The following TMEFF2 variants were observed in gnomAD, a reference collection of about 807,000 sequenced individuals.
The protein encoded by TMEFF2 is transmembrane protein with EGF like and two follistatin like domains 2.
Under a neutral mutation model 53.8 loss-of-function variants are expected in TMEFF2, and 28 were observed. The observed-to-expected ratio is 0.52, with a 90% CI of 0.39 to 0.71. The LOEUF is 0.71. Ranked by LOEUF, TMEFF2 falls within the 30% of genes least tolerant of loss-of-function variation. The probability of loss-of-function intolerance (pLI) is 0.00; values close to 1 mark genes in which losing one functional copy is unlikely to be tolerated. For missense variants in TMEFF2, 353 were observed against 455.2 expected (o/e 0.78, Z 2.04); for synonymous variants, 162 against 166.3 (o/e 0.97, Z 0.20).
intron 4 of TMEFF2, among the ~76,000 whole-genome samples, chr2:192,111,347 C>A (rs1689271839): frequency 6.6e-6 from 1 of 152,128 alleles, no homozygotes; most frequent in African/African-American, 2.4e-5. Context: ...AGATGAGGAA[C>A]TTGTTGAGAA....
intron 2 of TMEFF2, among the ~76,000 whole-genome samples, chr2:192,188,661 A>G (rs1691376466): frequency 2.0e-5 from 3 of 152,242 alleles, no homozygotes; most frequent in South Asian, 4.1e-4. Flanking sequence ...AACATTTAGT[A>G]TCTGAATTAG....
At position 192,058,725 on chromosome 2, in the gene TMEFF2, A is replaced by G. The variant is rs572370362; in HGVS notation, c.440-950T>C. Reference sequence around the variant, plus strand: ...TTACAATCAACTAACTACCGCATAGATAATATAATTCCATACACAGATCAT... The same window carrying G: ...TTACAATCAACTAACTACCGCATAGGTAATATAATTCCATACACAGATCAT... On this transcript the variant is annotated intron_variant, in intron 4 of 9. Transcript: ENST00000272771. Among the ~76,000 whole-genome samples the G allele has an allele frequency of 4.6e-5, 7 of 151,694 alleles. No homozygotes were observed. In the East Asian group the frequency reaches 1.3e-3, roughly 29 times the overall value.
At chr2:192,064,533 T>C (rs1182687134) in intron 4 of TMEFF2, among the ~76,000 whole-genome samples, 4 of 151,858 alleles carry the variant, frequency 2.6e-5, no homozygotes, top group Admixed American at 1.3e-4. Context: ...GACTTATCTA[T>C]AGTACCACAT....
At chr2:192,190,678 T>C (rs1574450074) in intron 2 of TMEFF2, among the ~76,000 whole-genome samples, 1 of 152,312 alleles carries the variant, frequency 6.6e-6, no homozygotes, top group East Asian at 1.9e-4. Flanking sequence ...TCTTATTATG[T>C]TTCTTAGAAA....
chr2:192,057,947 C>G (rs987255832), intron 4 of TMEFF2, among the ~76,000 whole-genome samples, 172 bp from the exon 5 acceptor site: 2 of 152,182 alleles, frequency 1.3e-5, no homozygotes, highest in African/African-American at 2.4e-5. Context: ...AAAGACAACT[C>G]TAACAATAAT....
At chr2:192,150,571 T>C (rs1461543812) in intron 4 of TMEFF2, among the ~76,000 whole-genome samples, 1 of 151,832 alleles carries the variant, frequency 6.6e-6, no homozygotes, top group Non-Finnish European at 1.5e-5. Flanking sequence ...CTACATCCTA[T>C]GTTCTTTATT....
intron 4 of TMEFF2, among the ~76,000 whole-genome samples, chr2:192,093,430 CTT>C (rs1421694089): frequency 7.2e-6 from 1 of 139,308 alleles, no homozygotes; most frequent in African/African-American, 2.6e-5. Context: ...CTCCCAGACT[CTT>C]TCTTGTTTCA....
intron 5 of TMEFF2, among the ~76,000 whole-genome samples, chr2:192,018,225 ATTCT>A (rs1278825528): frequency 6.6e-6 from 1 of 152,202 alleles, no homozygotes; most frequent in East Asian, 1.9e-4. Context: ...ATAAACAAAT[ATTCT>A]TTCTAATTGG....
chr2:192,094,553 CCT>C (rs1337572181), intron 4 of TMEFF2, among the ~76,000 whole-genome samples: 3 of 151,800 alleles, frequency 2.0e-5, no homozygotes, highest in Admixed American at 1.3e-4. Flanking sequence ...CAATTTTTAC[CCT>C]CTCTTAAGCT....
intron 4 of TMEFF2, among the ~76,000 whole-genome samples, chr2:192,082,960 G>T (rs1364042825): frequency 3.3e-5 from 1 of 30,400 alleles, no homozygotes; most frequent in Non-Finnish European, 8.6e-5. Flanking sequence ...TTAGAGAGTT[G>T]ATTTTTTTTT....
intron 4 of TMEFF2, among the ~76,000 whole-genome samples, chr2:192,109,107 C>T (rs1689217212): frequency 6.6e-6 from 1 of 151,920 alleles, no homozygotes; most frequent in Non-Finnish European, 1.5e-5. Context: ...AATGGCTGCA[C>T]AATACTGTGT....
At chr2:192,045,657 G>A (rs1305230092) in intron 5 of TMEFF2, among the ~76,000 whole-genome samples, 1 of 152,102 alleles carries the variant, frequency 6.6e-6, no homozygotes, top group Non-Finnish European at 1.5e-5. Context: ...CAGCGACATA[G>A]ACTCCTACTC....
chr2:192,115,873 T>C (rs1689392019), intron 4 of TMEFF2, among the ~76,000 whole-genome samples: 3 of 152,034 alleles, frequency 2.0e-5, no homozygotes, highest in Admixed American at 6.6e-5. Flanking sequence ...GGAACTCTTA[T>C]AGACTGTTGG....
At chr2:192,186,928 A>G (rs932069440) in intron 2 of TMEFF2, among the ~76,000 whole-genome samples, 2 of 152,196 alleles carry the variant, frequency 1.3e-5, no homozygotes, top group African/African-American at 4.8e-5. Context: ...AAGTGCTCAT[A>G]TGCCGCTTCT....
chr2:192,008,565 A>C lies in TMEFF2; in HGVS notation c.537-9357T>G, dbSNP rs138019661. Among the ~76,000 whole-genome samples the C allele has an allele frequency of 1.2e-4, 19 of 152,320 alleles. No individual in the cohort carries two copies. In the East Asian group the frequency reaches 3.7e-3, roughly 29 times the overall value. ...ATATTCAATAACCAAGGGTAACTTCATGATCACAGAGAAGTGCGGTCGCTC... is the reference window on the plus strand; with the variant it reads ...ATATTCAATAACCAAGGGTAACTTCCTGATCACAGAGAAGTGCGGTCGCTC... On this transcript the variant is annotated intron_variant, in intron 5 of 9. Coordinates refer to ENST00000272771, the MANE Select transcript of TMEFF2 (RefSeq NM_016192.4).
At chr2:191,982,458 A>G (rs1685875574) in intron 7 of TMEFF2, among the ~76,000 whole-genome samples, 1 of 150,084 alleles carries the variant, frequency 6.7e-6, no homozygotes, top group African/African-American at 2.5e-5. Flanking sequence ...CTTCTAAGAT[A>G]TTATAACCTG....
intron 4 of TMEFF2, among the ~76,000 whole-genome samples, chr2:192,088,659 A>G (rs1323467881): frequency 6.6e-6 from 1 of 152,072 alleles, no homozygotes; most frequent in Admixed American, 6.6e-5. Context: ...AAACCCAAGT[A>G]CTCAAGTTTG....
intron 5 of TMEFF2, among the ~76,000 whole-genome samples, chr2:192,011,840 G>T (rs550132570): frequency 6.6e-6 from 1 of 152,108 alleles, no homozygotes; most frequent in African/African-American, 2.4e-5. Context: ...TCTATTTTAA[G>T]CAAGCTCAGT....
chr2:192,174,052 A>G (rs1352822248), intron 4 of TMEFF2, among the ~76,000 whole-genome samples: 3 of 151,832 alleles, frequency 2.0e-5, no homozygotes, highest in African/African-American at 4.8e-5. Context: ...TGAATCTCCC[A>G]GGAAACTGAG....
Sources: gnomAD v4.1 joint callset for allele counts (sites outside exome capture counted in the v4.1 genomes callset) on GRCh38, gnomAD v4.1.1 for gene constraint, MANE v1.5 for transcripts, NCBI Gene and HGNC (gene_info 2026-07-23, HGNC 2026-07-21) for gene names.